The following HECW2 variants were observed in gnomAD, a reference collection of about 807,000 sequenced individuals.
HECW2 encodes HECT, C2 and WW domain containing E3 ubiquitin protein ligase 2, also known as E3 ubiquitin-protein ligase HECW2.
In HECW2, 61 loss-of-function variants were observed where a neutral mutation model predicts 175.2. The ratio of observed to expected loss-of-function variants is 0.35; its 90% CI spans 0.28 to 0.43. HECW2 has a LOEUF of 0.43. Among genes scored for constraint, HECW2 ranks in the 20% least tolerant of loss-of-function variants. The probability of loss-of-function intolerance (pLI) is 1.00; values close to 1 mark genes in which losing one functional copy is unlikely to be tolerated. For synonymous variants in HECW2, 671 were observed against 731.0 expected (o/e 0.92, Z 1.32); for missense variants, 1,524 against 2,000.5 (o/e 0.76, Z 4.54).
intron 1 of HECW2, among the ~76,000 whole-genome samples, chr2:196,501,215 T>C (rs1004896633): frequency 1.3e-4 from 20 of 152,194 alleles, no homozygotes; most frequent in Non-Finnish European, 2.9e-5. Context: ...ACTGTGAAAC[T>C]TGCCTTTTAA....
At chr2:196,365,430 T>C (rs1693717284) in intron 2 of HECW2, among the ~76,000 whole-genome samples, 3 of 152,224 alleles carry the variant, frequency 2.0e-5, no homozygotes, top group South Asian at 4.1e-4. Context: ...ACATCACTTA[T>C]ATACATTATT....
At chr2:196,228,879 C>T (rs573344579) in intron 21 of HECW2, among the ~76,000 whole-genome samples, 1 of 152,258 alleles carries the variant, frequency 6.6e-6, no homozygotes, top group South Asian at 2.1e-4. Flanking sequence ...GTGCCTAAAG[C>T]TTCCTAAGGA....
chr2:196,563,394 C>T (rs1690072632), intron 1 of HECW2, among the ~76,000 whole-genome samples: 1 of 151,538 alleles, frequency 6.6e-6, no homozygotes, highest in Non-Finnish European at 1.5e-5. Context: ...GGCAAAACCC[C>T]GCCTCTACTA....
At chr2:196,356,955 AC>A (rs2105870658) in intron 2 of HECW2, among the ~76,000 whole-genome samples, 1 of 152,298 alleles carries the variant, frequency 6.6e-6, no homozygotes, top group African/African-American at 2.4e-5. Flanking sequence ...CACAGAGTGA[AC>A]CCAGTCTTGC....
chr2:196,194,317 C>G lies in HECW2; in HGVS notation c.*6960G>C, dbSNP rs1686620282. 6.6e-6 allele frequency: 1 copy of G among 151,850 alleles called. No individual in the cohort carries two copies. Among genetic ancestry groups the G allele is most frequent in the Non-Finnish European group, 1.5e-5 (1 of 67,942 alleles). 9.4% of individuals were successfully genotyped at this position (151,850 alleles called of 1,614,324 possible). On this transcript the variant is annotated 3_prime_UTR_variant, in exon 29 of 29. Coordinates refer to ENST00000644978, the MANE Select transcript of HECW2 (RefSeq NM_001348768.2). Reference sequence around the variant, plus strand: ...TGAAATCTTTATCTCTACTTCTATTCTCCTCCCTTCTGAGTTTTCCCTCCC... The same window carrying G: ...TGAAATCTTTATCTCTACTTCTATTGTCCTCCCTTCTGAGTTTTCCCTCCC...
At chr2:196,246,675 C>T (rs193275051) in intron 19 of HECW2, among the ~76,000 whole-genome samples, 211 of 152,212 alleles carry the variant, frequency 1.4e-3, no homozygotes, top group African/African-American at 4.8e-3. Context: ...CAGGCATGAG[C>T]CACTGTGCCC....
At position 196,417,148 on chromosome 2, in the gene HECW2, A is replaced by T. The variant is rs558177310; in HGVS notation, c.292+15984T>A. On this transcript the variant is annotated intron_variant, in intron 2 of 28. Transcript: ENST00000644978. Reference sequence around the variant, plus strand: ...ATAGAGTCAATGATCATTAATTTTAATTCTAAATTTAAAACCTTTATGGCT... The same window carrying T: ...ATAGAGTCAATGATCATTAATTTTATTTCTAAATTTAAAACCTTTATGGCT... Among the ~76,000 whole-genome samples, 74 of 152,364 alleles carry T rather than the reference A, an allele frequency of 4.9e-4. 1 individual carries two copies. The highest frequency in any genetic ancestry group is 1.7e-3 in the African/African-American group (69 of 41,588).
At chr2:196,249,981 T>C (rs1008736095) in intron 19 of HECW2, among the ~76,000 whole-genome samples, 1 of 152,232 alleles carries the variant, frequency 6.6e-6, no homozygotes, top group Non-Finnish European at 1.5e-5. Flanking sequence ...TCATGTGCAT[T>C]TGCGATGCTA....
intron 1 of HECW2, among the ~76,000 whole-genome samples, chr2:196,511,467 C>A (rs1044624079): frequency 1.3e-5 from 2 of 152,180 alleles, no homozygotes; most frequent in Non-Finnish European, 1.5e-5. Flanking sequence ...TCATTTTAGT[C>A]ATCCGACAAA....
intron 1 of HECW2, among the ~76,000 whole-genome samples, chr2:196,591,191 G>A (rs1691177704): frequency 3.9e-5 from 6 of 152,190 alleles, no homozygotes; most frequent in Admixed American, 2.6e-4. Context: ...CCGTGATAGA[G>A]GCGATGGTGA....
chr2:196,243,751 G>A (rs1688549917), intron 19 of HECW2, among the ~76,000 whole-genome samples: 2 of 151,630 alleles, frequency 1.3e-5, no homozygotes, highest in Non-Finnish European at 1.5e-5. Context: ...AGCTAATTTT[G>A]TATTTTTAGC....
At chr2:196,544,238 T>C (rs571911384) in intron 1 of HECW2, among the ~76,000 whole-genome samples, 1 of 152,344 alleles carries the variant, frequency 6.6e-6, no homozygotes, top group South Asian at 2.1e-4. Context: ...CTCTGTGGGA[T>C]GGCAGGCCTC....
intron 1 of HECW2, among the ~76,000 whole-genome samples, chr2:196,469,124 T>TGTGC (rs1559129269): frequency 1.1e-5 from 1 of 94,154 alleles, no homozygotes; most frequent in African/African-American, 5.5e-5. Flanking sequence ...TGTGTGCGTG[T>TGTGC]GTGTGTGTGT....
chr2:196,260,918 C>T (rs1342826181), intron 17 of HECW2, among the ~76,000 whole-genome samples: 1 of 152,178 alleles, frequency 6.6e-6, no homozygotes, highest in East Asian at 1.9e-4. Context: ...ATGATCAAAG[C>T]ACATGAAACA....
intron 1 of HECW2, among the ~76,000 whole-genome samples, chr2:196,507,601 T>C (rs1421483520): frequency 6.6e-6 from 1 of 152,204 alleles, no homozygotes; most frequent in Non-Finnish European, 1.5e-5. Context: ...TGAGAAACCC[T>C]GACTTAAAGG....
In HECW2 at chr2:196,563,620, C is replaced by CA. The variant is rs146788667; in HGVS notation, c.-36+29887dup. Among the ~76,000 whole-genome samples, 1,101 of 152,150 alleles carry CA rather than the reference C, an allele frequency of 7.2e-3. 21 individuals carry two copies. Among genetic ancestry groups the CA allele is most frequent in the African/African-American group, 0.025 (1,056 of 41,524 alleles). Reference sequence around the variant, plus strand: ...TCATTCCTGAATGCAAGAAAGTGCTCAAAGACTACAGGAGTCAAGTAAAGA... The same window carrying CA: ...TCATTCCTGAATGCAAGAAAGTGCTCAAAAGACTACAGGAGTCAAGTAAAGA... On this transcript the variant is annotated intron_variant, in intron 1 of 28. Coordinates refer to ENST00000644978, the MANE Select transcript of HECW2 (RefSeq NM_001348768.2).
At chr2:196,460,585 G>GA (rs1483469680) in intron 1 of HECW2, among the ~76,000 whole-genome samples, 3 of 151,674 alleles carry the variant, frequency 2.0e-5, no homozygotes, top group Non-Finnish European at 4.4e-5. Context: ...CCAGGGCAGG[G>GA]AAAAATCTCA....
intron 1 of HECW2, among the ~76,000 whole-genome samples, chr2:196,439,877 C>A (rs569660154): frequency 1.3e-5 from 2 of 152,126 alleles, no homozygotes; most frequent in Non-Finnish European, 2.9e-5. Context: ...GAACCCAGCG[C>A]TGTTGGCAGA....
intron 1 of HECW2, among the ~76,000 whole-genome samples, chr2:196,550,784 AATTT>A (rs1050876140): frequency 6.6e-6 from 1 of 152,220 alleles, no homozygotes; most frequent in African/African-American, 2.4e-5. Context: ...AATGTACTAT[AATTT>A]ATTAGGCATC....
Sources: allele counts gnomAD v4.1 joint callset (sites outside exome capture counted in the v4.1 genomes callset), GRCh38; gene constraint gnomAD v4.1.1; transcripts MANE v1.5; gene names NCBI Gene and HGNC (gene_info 2026-07-23, HGNC 2026-07-21).